Variants in HSPA12B observed in about 807,000 individuals in gnomAD.
The protein encoded by HSPA12B is heat shock 70 kDa protein 12B.
In HSPA12B, 54 loss-of-function variants were observed where a neutral mutation model predicts 69.3. The observed-to-expected ratio is 0.78, with a 90% CI of 0.63 to 0.98. The LOEUF (loss-of-function observed/expected upper bound fraction) is 0.98, where lower values mean the gene tolerates loss of function less well. Ranked by LOEUF, HSPA12B falls within the 50% of genes least tolerant of loss-of-function variation. The pLI is 0.00. For synonymous variants in HSPA12B, 441 were observed against 436.5 expected (o/e 1.01, Z -0.13); for missense variants, 929 against 999.8 (o/e 0.93, Z 0.96).
chr20:3,745,659 A>G lies in HSPA12B; in HGVS notation c.558+62A>G, dbSNP rs1467565094. 1 of 1,452,952 alleles carries G rather than the reference A, an allele frequency of 6.9e-7. No homozygotes were observed. 90.0% of individuals were successfully genotyped at this position (1,452,952 alleles called of 1,614,324 possible). A position where few individuals can be genotyped will look rare whatever the true frequency, so the allele number is the denominator to read the frequency against. On this transcript the variant is annotated intron_variant, in intron 6 of 12. Transcript: ENST00000254963. The surrounding 1 kb of genome is among the most constrained non-coding windows in gnomAD (Gnocchi z 5.6). ...GACCCCCTATTTTCCCCTCATCCGA[A>G]ACCGCTCCCCCATCCCGTCCCCGAC... is the stretch of plus-strand genomic sequence containing the variant.
In HSPA12B at chr20:3,737,423, C is replaced by T. The variant is rs1477152864; in HGVS notation, c.-17-1235C>T. ...CTAGCTCAATATGATTGCGTCACTACACTCCAGCCTGGGCAACAGAGTGAA... is the reference window on the plus strand; with the variant it reads ...CTAGCTCAATATGATTGCGTCACTATACTCCAGCCTGGGCAACAGAGTGAA... On this transcript the variant is annotated intron_variant, in intron 1 of 12. Transcript: ENST00000254963. The surrounding 1 kb of genome is among the most constrained non-coding windows in gnomAD (Gnocchi z 4.1). 6.6e-6 allele frequency among the ~76,000 whole-genome samples: 1 copy of T among 152,202 alleles called. No homozygotes were observed.
At chr20:3,746,992 C>T (rs1440627377) in intron 7 of HSPA12B, among the ~76,000 whole-genome samples, 1 of 152,116 alleles carries the variant, frequency 6.6e-6, no homozygotes. Flanking sequence ...TGAGGGACAC[C>T]CCCACCACCG....
rs1438808907 is a variant in HSPA12B at position 3,744,971 on chromosome 20, G to C, written c.336G>C (p.Glu112Asp). The C allele has an allele frequency of 6.2e-7, 1 of 1,613,988 alleles. No individual in the cohort carries two copies. ...CGACCTGCCTGCTGCTGACTCCGGA[G>C]GGCGCCTTCCACAGCTTTGGCTACA... is the stretch of plus-strand genomic sequence containing the variant. ...KTPTCLLLTP[E>D]GAFHSFGYTA... Residue 112 changes from glutamate to aspartate, a missense_variant, in exon 5 of 13, where the codon GAG (glutamate) becomes GAC (aspartate). By Grantham distance (45) the Glu-to-Asp change is conservative (BLOSUM62 2). Around this residue, in one of 3 missense-constraint regions of HSPA12B, gnomAD observed 477 missense variants for 535.2 expected, o/e 0.89. Transcript: ENST00000254963. The surrounding 1 kb of genome is among the most constrained non-coding windows in gnomAD (Gnocchi z 4.9).
At position 3,752,058 on chromosome 20, in the gene HSPA12B, C is replaced by T. The variant is rs1490894160; in HGVS notation, c.1953C>T (p.Arg651=). The T allele has an allele frequency of 6.4e-7, 1 of 1,551,140 alleles. No individual in the cohort carries two copies. The change falls in exon 13 of 13, where the codon CGC becomes CGT. Residue 651 remains arginine (R), a synonymous_variant. Coordinates refer to ENST00000254963, the MANE Select transcript of HSPA12B (RefSeq NM_052970.5). ...CCGCCGGCGCGCCTCCCGGCCGCCG[C>T]GAGATCCGCGCCGCCATGCAGTTTG... The part of the protein sequence containing the change: ...QDTAGAPPGR[R]EIRAAMQFGD...
Position 3,747,392 on chromosome 20 carries a change from G to C in HSPA12B, c.676-825G>C, listed in dbSNP as rs2088325593. On this transcript the variant is annotated intron_variant, in intron 7 of 12. Transcript: ENST00000254963. ...CAAAGATCAGGACGGAAGCAAGGCT[G>C]TCCCCAGCCAGAACAAACACCTGCT... Among the ~76,000 whole-genome samples the C allele has an allele frequency of 2.6e-5, 4 of 152,310 alleles. No individual in the cohort carries two copies. In the South Asian group the frequency reaches 8.3e-4, roughly 32 times the overall value.
At chr20:3,733,634 A>G (rs2088064609) in intron 1 of HSPA12B, among the ~76,000 whole-genome samples, 1 of 152,194 alleles carries the variant, frequency 6.6e-6, no homozygotes, top group Admixed American at 6.5e-5. Flanking sequence ...TCAGCCACAC[A>G]TGGTCCCATC....
chr20:3,742,325 G>A lies in HSPA12B; in HGVS notation c.183G>A (p.Val61=). The A allele has an allele frequency of 6.2e-7, 1 of 1,614,122 alleles. No individual in the cohort carries two copies. Among genetic ancestry groups the A allele is most frequent in the African/African-American group, 1.3e-5 (1 of 75,058 alleles). Residue 61 remains valine (V), a synonymous_variant, in exon 4 of 13, where the codon GTG becomes GTA. Coordinates refer to ENST00000254963, the MANE Select transcript of HSPA12B (RefSeq NM_052970.5). ...CCCCCCAGCAGGCCTCCTTCTCTGT[G>A]GTGGTGGCCATTGACTTCGGCACCA... ...VRAPQQASFS[V]VVAIDFGTTS... is the part of the protein sequence containing the mutation.
rs1178341852 is a variant in HSPA12B, at chr20:3,745,317, G to T, written c.454-176G>T. 6.6e-6 allele frequency among the ~76,000 whole-genome samples: 1 copy of T among 151,190 alleles called. No individual in the cohort carries two copies. Among genetic ancestry groups the T allele is most frequent in the Non-Finnish European group, 1.5e-5 (1 of 67,844 alleles). The stretch of plus-strand genomic sequence containing the variant: ...GCTAATAGTGAAGCTGGGGTTGCAG[G>T]AGGGGTGGGGCTAAGGAGAGGGGTC... On this transcript the variant is annotated intron_variant, in intron 5 of 12. Coordinates refer to ENST00000254963, the MANE Select transcript of HSPA12B (RefSeq NM_052970.5). This position sits in a 1 kb window ranked among gnomAD's most constrained non-coding sequence, Gnocchi z 5.6.
rs1342974260 is a variant in HSPA12B, at chr20:3,749,380, G to C, written c.937+62G>C. 9 of 1,427,018 alleles carry C rather than the reference G, an allele frequency of 6.3e-6. No homozygotes were observed. In the East Asian group the frequency reaches 1.9e-4, roughly 30 times the overall value. 88.4% of individuals were successfully genotyped at this position (1,427,018 alleles called of 1,614,324 possible). Reference sequence around the variant, plus strand: ...CCTACCGGGCACCATATACTGATGGGGGGAAGGGCATGTTTGCAAAGCCCG... The same window carrying C: ...CCTACCGGGCACCATATACTGATGGCGGGAAGGGCATGTTTGCAAAGCCCG... On this transcript the variant is annotated intron_variant, in intron 9 of 12. Coordinates refer to ENST00000254963, the MANE Select transcript of HSPA12B (RefSeq NM_052970.5). This position sits in a 1 kb window ranked among gnomAD's most constrained non-coding sequence, Gnocchi z 5.5.
At position 3,748,315 on chromosome 20, in the gene HSPA12B, C is replaced by T. The variant is rs1208684461; in HGVS notation, c.774C>T (p.Leu258=). 5.6e-6 allele frequency: 9 copies of T among 1,611,670 alleles called. No individual in the cohort carries two copies. The highest frequency in any genetic ancestry group is 7.6e-6 in the Non-Finnish European group (9 of 1,179,106). The change falls in exon 8 of 13, where the codon CTC becomes CTT. Residue 258 remains leucine, a synonymous_variant. Transcript: ENST00000254963. ...VYCRKLRLHQ[L]LDLSGRAPGG... is the part of the protein sequence containing the mutation. ...GCCGCAAGCTGCGCCTGCACCAGCT[C>T]CTGGACCTGAGTGGCCGGGCCCCAG... is the stretch of plus-strand genomic sequence containing the variant.
chr20:3,737,831 C>T lies in HSPA12B; in HGVS notation c.-17-827C>T, dbSNP rs535494119. Among the ~76,000 whole-genome samples, 8 of 152,222 alleles carry T rather than the reference C, an allele frequency of 5.3e-5. No individual in the cohort carries two copies. In the South Asian group the frequency reaches 6.2e-4, roughly 12 times the overall value. On this transcript the variant is annotated intron_variant, in intron 1 of 12. Transcript: ENST00000254963. This position sits in a 1 kb window ranked among gnomAD's most constrained non-coding sequence, Gnocchi z 4.1. ...CAGCCTGGCCAACACGGCGAAACCC[C>T]GTCTCTACTAAAAATACAAAAATTA... is the stretch of plus-strand genomic sequence containing the variant.
intron 4 of HSPA12B, among the ~76,000 whole-genome samples, chr20:3,743,479 G>T (rs1420479181): frequency 6.6e-6 from 1 of 152,040 alleles, no homozygotes; most frequent in African/African-American, 2.4e-5. Flanking sequence ...TTGCAGGCGT[G>T]AGCCACCATG....
In HSPA12B at chr20:3,748,232, C is replaced by G; in HGVS notation, c.691C>G (p.Arg231Gly). 6.3e-7 allele frequency: 1 copy of G among 1,579,022 alleles called. No individual in the cohort carries two copies. The highest frequency in any genetic ancestry group is 8.6e-7 in the Non-Finnish European group (1 of 1,160,162). The change falls in exon 8 of 13, where the codon CGA becomes GGA. Residue 231 changes from arginine (R) to glycine (G), a missense_variant. Physicochemically the swap from Arg to Gly is moderately radical, Grantham distance 125. Around this residue, in one of 3 missense-constraint regions of HSPA12B, gnomAD observed 477 missense variants for 535.2 expected, o/e 0.89. Coordinates refer to ENST00000254963, the MANE Select transcript of HSPA12B (RefSeq NM_052970.5). ...CCATCCCCAGGCTGGACTAGTGTCC[C>G]GAGAGAATGCAGAGCAGCTACTCAT... ...EAAYLAGLVS[R>G]ENAEQLLIAL...
intron 1 of HSPA12B, 83 bp from the exon 2 acceptor site, chr20:3,738,574 TA>T (rs2088143556): frequency 7.3e-7 from 1 of 1,371,036 alleles, no homozygotes; most frequent in African/African-American, 1.4e-5. Context: ...CAGCCAAAAG[TA>T]AACAAATAAA....
At position 3,752,528 on chromosome 20, in the gene HSPA12B, A is replaced by C; in HGVS notation, c.*362A>C. 5.4e-6 allele frequency: 1 copy of C among 185,558 alleles called. No individual in the cohort carries two copies. Among genetic ancestry groups the C allele is most frequent in the Non-Finnish European group, 1.1e-5 (1 of 89,166 alleles). The allele number at this position is 185,558 out of a possible 1,614,324, so 11.5% of individuals were successfully genotyped here. A position where few individuals can be genotyped will look rare whatever the true frequency, so the allele number is the denominator to read the frequency against. On this transcript the variant is annotated 3_prime_UTR_variant, in exon 13 of 13. Coordinates refer to ENST00000254963, the MANE Select transcript of HSPA12B (RefSeq NM_052970.5). ...TTGGCCGAGTAGGGGTGGGGGTGGG[A>C]TGGCAGGAGGAGCCGCAGGAGGAAG...
intron 3 of HSPA12B, among the ~76,000 whole-genome samples, chr20:3,741,324 AAAAT>A (rs954972958): frequency 5.9e-5 from 9 of 152,086 alleles, no homozygotes; most frequent in Admixed American, 2.0e-4. Flanking sequence ...AAAAAAAAAA[AAAAT>A]AGTCTGGAAA....
chr20:3,738,479 T>C (rs2088142290), intron 1 of HSPA12B, among the ~76,000 whole-genome samples, 179 bp from the exon 2 acceptor site: 1 of 152,360 alleles, frequency 6.6e-6, no homozygotes, highest in South Asian at 2.1e-4. Flanking sequence ...TGACATTGTT[T>C]AAAACGTCTT....
chr20:3,742,762 A>G (rs2088225673), intron 4 of HSPA12B, among the ~76,000 whole-genome samples: 2 of 150,294 alleles, frequency 1.3e-5, no homozygotes, highest in South Asian at 4.2e-4. Flanking sequence ...CAAAGGCACG[A>G]TCTTAGCTCA....
At chr20:3,741,536 G>C (rs1472355045) in intron 3 of HSPA12B, among the ~76,000 whole-genome samples, 1 of 152,164 alleles carries the variant, frequency 6.6e-6, no homozygotes, top group Non-Finnish European at 1.5e-5. Context: ...GGGAGGCTGA[G>C]GGTGGAGAAT....
Sources: gnomAD v4.1 joint callset for allele counts (sites outside exome capture counted in the v4.1 genomes callset) on GRCh38, gnomAD v4.1.1 for gene constraint, gnomAD v4.1.1 regional missense constraint, Gnocchi (gnomAD v3.1) non-coding constraint, MANE v1.5 for transcripts, NCBI Gene and HGNC (gene_info 2026-07-23, HGNC 2026-07-21) for gene names.